Variants in SEC14L1 observed in about 807,000 individuals in gnomAD.
The protein encoded by SEC14L1 is SEC14 like lipid binding 1, also known as SEC14-like protein 1.
Under a neutral mutation model 85.3 loss-of-function variants are expected in SEC14L1, and 48 were observed. That is an observed-to-expected ratio of 0.56 (90% confidence interval 0.45 to 0.72). The LOEUF is 0.72. SEC14L1 is among the 30% of genes least tolerant of loss of function. The pLI is 0.00. For missense variants in SEC14L1, 682 were observed against 921.4 expected, an observed-to-expected ratio of 0.74 and a Z score of 3.36; for synonymous variants, 391 against 355.5, an observed-to-expected ratio of 1.10 and a Z score of -1.12.
chr17:77,195,689 T>C (rs1274944946), intron 7 of SEC14L1, among the ~76,000 whole-genome samples: 2 of 152,060 alleles, frequency 1.3e-5, no homozygotes, highest in African/African-American at 4.8e-5. Flanking sequence ...GGTTTCACCA[T>C]GTTGGCCAGG....
At chr17:77,114,090 T>C (rs892225466) in intron 3 of SEC14L1, among the ~76,000 whole-genome samples, 2 of 152,088 alleles carry the variant, frequency 1.3e-5, no homozygotes, top group Admixed American at 6.5e-5. Flanking sequence ...GCCCTGGATG[T>C]GAAGGAGGTG....
chr17:77,216,648 G>T lies in SEC14L1; in HGVS notation c.*2625G>T, dbSNP rs1301123452. The T allele has an allele frequency of 1.2e-6, 2 of 1,609,042 alleles. No homozygotes were observed. Among genetic ancestry groups the T allele is most frequent in the Non-Finnish European group, 1.7e-6 (2 of 1,176,362 alleles). On this transcript the variant is annotated 3_prime_UTR_variant, in exon 17 of 17. Coordinates refer to ENST00000436233, the MANE Select transcript of SEC14L1 (RefSeq NM_001143998.2). ...ACTGTTTGAATTGCAGCCATCCCCT[G>T]CCCCCTCCCAGGCTGAAGATCTGTT...
chr17:77,135,545 G>A (rs917568643), intron 3 of SEC14L1, among the ~76,000 whole-genome samples: 5 of 146,992 alleles, frequency 3.4e-5, no homozygotes, highest in African/African-American at 1.3e-4. Context: ...CCTTTCTTTC[G>A]AGACAGTGTT....
intron 3 of SEC14L1, among the ~76,000 whole-genome samples, chr17:77,101,798 A>G (rs901195841): frequency 3.3e-5 from 5 of 152,190 alleles, no homozygotes; most frequent in Admixed American, 2.6e-4. Context: ...AGAACACATC[A>G]TCCTGACTAT....
chr17:77,132,385 G>A (rs1266643226), intron 3 of SEC14L1, among the ~76,000 whole-genome samples: 1 of 152,050 alleles, frequency 6.6e-6, no homozygotes, highest in African/African-American at 2.4e-5. Flanking sequence ...ACCACACCCA[G>A]CTAATTTTTA....
intron 3 of SEC14L1, among the ~76,000 whole-genome samples, chr17:77,187,403 A>G (rs1157390130): frequency 1.3e-5 from 2 of 150,640 alleles, no homozygotes; most frequent in Non-Finnish European, 3.0e-5. Context: ...TCTGAGACGG[A>G]GTCTCTCTCT....
At chr17:77,211,385 T>A (rs1976742678) in intron 14 of SEC14L1, 2 of 153,582 alleles carry the variant, frequency 1.3e-5, no homozygotes, top group South Asian at 4.1e-4. Context: ...GGTTTTCAAT[T>A]GGTTCTCAGC....
In SEC14L1 at chr17:77,193,620, C is replaced by T; in HGVS notation, c.474+71C>T. 3 of 1,477,352 alleles carry T rather than the reference C, an allele frequency of 2.0e-6. No individual in the cohort carries two copies. In the South Asian group the frequency reaches 3.8e-5, roughly 19 times the overall value. 91.5% of individuals were successfully genotyped at this position (1,477,352 alleles called of 1,614,324 possible). A position where few individuals can be genotyped will look rare whatever the true frequency, so the allele number is the denominator to read the frequency against. ...CTGAGATGACCATCTTTTTGGAAGGCTGGGGATGGCTTAGCAAGGGATTTG... is the reference window on the plus strand; with the variant it reads ...CTGAGATGACCATCTTTTTGGAAGGTTGGGGATGGCTTAGCAAGGGATTTG... On this transcript the variant is annotated intron_variant, in intron 6 of 16. Coordinates refer to ENST00000436233, the MANE Select transcript of SEC14L1 (RefSeq NM_001143998.2).
chr17:77,200,308 A>G (rs535561824), intron 8 of SEC14L1, among the ~76,000 whole-genome samples, 176 bp from the exon 9 acceptor site: 38 of 152,070 alleles, frequency 2.5e-4, no homozygotes, highest in African/African-American at 8.9e-4. Flanking sequence ...AGCTGGGATT[A>G]CAGGCATGCA....
Position 77,194,756 on chromosome 17 carries a change from C to G in SEC14L1, c.554C>G (p.Ser185Cys). Residue 185 changes from serine (S) to cysteine (C), a missense_variant, in exon 7 of 17, where the codon TCC (serine) becomes TGC (cysteine). Physicochemically the swap from Ser to Cys is moderately radical, Grantham distance 112. This residue lies in a region of SEC14L1 where 123 missense variants were observed against 100.6 expected (regional missense o/e 1.22). Transcript: ENST00000436233. ...ITFVPRWSPPSITTSSETSSS... is the reference protein window; with the variant it reads ...ITFVPRWSPPCITTSSETSSS... The stretch of plus-strand genomic sequence containing the variant: ...TTTGTGCCCCGTTGGAGTCCGCCTT[C>G]CATCACGACCTCTTCAGAGACATCT... 1.9e-6 allele frequency: 3 copies of G among 1,614,184 alleles called. No individual in the cohort carries two copies. Among genetic ancestry groups the G allele is most frequent in the Non-Finnish European group, 1.7e-6 (2 of 1,180,032 alleles).
intron 3 of SEC14L1, among the ~76,000 whole-genome samples, chr17:77,146,837 G>T (rs1251572072): frequency 2.6e-5 from 4 of 152,172 alleles, no homozygotes; most frequent in African/African-American, 4.8e-5. Flanking sequence ...AGTGATGTTT[G>T]TGTGGTGTCC....
chr17:77,157,629 G>A (rs922980869), intron 3 of SEC14L1, among the ~76,000 whole-genome samples: 1 of 151,882 alleles, frequency 6.6e-6, no homozygotes, highest in Non-Finnish European at 1.5e-5. Context: ...CCAGGTTCAA[G>A]CGATTCTTCT....
At position 77,095,934 on chromosome 17, in the gene SEC14L1, A is replaced by G. The variant is rs544863667; in HGVS notation, c.-136+2587A>G. ...GGCATGCTGGGCATCTTTCTGGGTG[A>G]TGGGAGGGAGGCCTAGACTCCATGG... On this transcript the variant is annotated intron_variant, in intron 3 of 19. Coordinates refer to the SEC14L1 transcript ENST00000392476. 1.3e-3 allele frequency among the ~76,000 whole-genome samples: 201 copies of G among 151,928 alleles called. 2 individuals carry two copies. Among genetic ancestry groups the G allele is most frequent in the African/African-American group, 4.7e-3 (196 of 41,458 alleles).
intron 3 of SEC14L1, among the ~76,000 whole-genome samples, chr17:77,109,347 T>TC (rs1372207454): frequency 6.6e-6 from 1 of 152,186 alleles, no homozygotes; most frequent in Non-Finnish European, 1.5e-5. Flanking sequence ...CACGTGATCC[T>TC]CCTGCCTGGG....
At chr17:77,165,620 A>G (rs1324834866) in intron 3 of SEC14L1, among the ~76,000 whole-genome samples, 1 of 152,142 alleles carries the variant, frequency 6.6e-6, no homozygotes, top group East Asian at 1.9e-4. Context: ...CACAATTTAT[A>G]TGATAAGGGG....
chr17:77,118,972 C>A (rs1353787632), intron 3 of SEC14L1, among the ~76,000 whole-genome samples: 1 of 152,144 alleles, frequency 6.6e-6, no homozygotes, highest in Non-Finnish European at 1.5e-5. Context: ...TGCTTAACAT[C>A]TCAGAAAACA....
At position 77,213,842 on chromosome 17, in the gene SEC14L1, G is replaced by C; in HGVS notation, c.2043-76G>C. The C allele has an allele frequency of 6.4e-7, 1 of 1,567,918 alleles. No homozygotes were observed. The highest frequency in any genetic ancestry group is 8.8e-7 in the Non-Finnish European group (1 of 1,139,610). On this transcript the variant is annotated intron_variant, in intron 16 of 16. Coordinates refer to ENST00000436233, the MANE Select transcript of SEC14L1 (RefSeq NM_001143998.2). This position sits in a 1 kb window ranked among gnomAD's most constrained non-coding sequence, Gnocchi z 7.1. ...AGCAGAGAACAGGGTGGGCCACGAA[G>C]TCCAGCAGGCAGTGTGGGCCGGCGG...
chr17:77,098,851 T>C (rs1042479935), intron 3 of SEC14L1, among the ~76,000 whole-genome samples: 9 of 152,228 alleles, frequency 5.9e-5, no homozygotes, highest in South Asian at 2.1e-4. Flanking sequence ...CCTGGACTTA[T>C]TGCTTTTTCA....
upstream of SEC14L1, among the ~76,000 whole-genome samples, chr17:77,138,992 T>G (rs1972876420): frequency 6.6e-6 from 1 of 152,188 alleles, no homozygotes; most frequent in Admixed American, 6.5e-5. Flanking sequence ...GATTGACCAT[T>G]CCCCTCTTTT....
Sources: gnomAD v4.1 joint callset for allele counts (sites outside exome capture counted in the v4.1 genomes callset) on GRCh38, gnomAD v4.1.1 for gene constraint, gnomAD v4.1.1 regional missense constraint, Gnocchi (gnomAD v3.1) non-coding constraint, MANE v1.5 for transcripts, NCBI Gene and HGNC (gene_info 2026-07-23, HGNC 2026-07-21) for gene names.